RANBP2: variants seen among roughly 807,000 people sequenced by gnomAD.
RANBP2 encodes RAN binding protein 2.
A neutral mutation model predicts 303.6 loss-of-function variants in RANBP2; 57 were observed. That is an observed-to-expected ratio of 0.19 (90% confidence interval 0.15 to 0.23). The LOEUF (loss-of-function observed/expected upper bound fraction) is 0.23, where lower values mean the gene tolerates loss of function less well. Ranked by LOEUF, RANBP2 falls within the 10% of genes least tolerant of loss-of-function variation. RANBP2 has a pLI of 1.00. For synonymous variants in RANBP2, 1,167 were observed against 1,301.5 expected, an observed-to-expected ratio of 0.90 and a Z score of 2.23; for missense variants, 3,138 against 3,780.8, an observed-to-expected ratio of 0.83 and a Z score of 4.46.
At chr2:109,480,007 C>G in the RANBP2 span, among the ~76,000 whole-genome samples, 1 of 152,294 alleles carries the variant, frequency 6.6e-6, no homozygotes, top group South Asian at 2.1e-4. Context: ...TCATCACAGC[C>G]TGAGGGAAGC....
chr2:109,128,065 C>T, the RANBP2 span: 1 of 152,258 alleles, frequency 6.6e-6, no homozygotes, highest in Non-Finnish European at 1.5e-5. Flanking sequence ...CCTGACTGAA[C>T]TCGCTGTGCA....
chr2:109,052,113 T>C, the RANBP2 span, among the ~76,000 whole-genome samples: 3 of 152,156 alleles, frequency 2.0e-5, no homozygotes, highest in Non-Finnish European at 4.4e-5. Flanking sequence ...AACAAATGTA[T>C]CCAATAGGTA....
chr2:109,097,577 G>A, the RANBP2 span, among the ~76,000 whole-genome samples: 1 of 151,434 alleles, frequency 6.6e-6, no homozygotes, highest in African/African-American at 2.4e-5. Context: ...TTGAAAATAT[G>A]TCATTGTGTT....
the RANBP2 span, among the ~76,000 whole-genome samples, chr2:109,528,882 G>A: frequency 1.3e-5 from 2 of 152,192 alleles, no homozygotes; most frequent in South Asian, 2.1e-4. Flanking sequence ...CAGAAGGGTC[G>A]GTGTAGGCCG....
chr2:109,206,490 C>CAAAAAAAAAAAA, the RANBP2 span, among the ~76,000 whole-genome samples: 9 of 40,760 alleles, frequency 2.2e-4, no homozygotes, highest in African/African-American at 7.9e-4. Flanking sequence ...GACTCCGTCT[C>CAAAAAAAAAAAA]AAAAAAAAAA....
the RANBP2 span, among the ~76,000 whole-genome samples, chr2:109,297,092 G>T: frequency 3.8e-4 from 58 of 152,154 alleles, no homozygotes; most frequent in African/African-American, 1.3e-3. Context: ...GGGGGTGACC[G>T]GGATGGGAAG....
At chr2:109,196,229 C>T in the RANBP2 span, among the ~76,000 whole-genome samples, 5 of 152,270 alleles carry the variant, frequency 3.3e-5, no homozygotes, top group East Asian at 3.9e-4. Context: ...GTGTTTGGGA[C>T]GGCAGAGACT....
At chr2:108,880,865 C>G in the RANBP2 span, among the ~76,000 whole-genome samples, 2 of 152,194 alleles carry the variant, frequency 1.3e-5, no homozygotes, top group African/African-American at 4.8e-5. Context: ...AACATAACAT[C>G]CATTCTGCAG....
the RANBP2 span, among the ~76,000 whole-genome samples, chr2:109,664,380 C>T: frequency 0.016 from 2,434 of 150,892 alleles, 28 homozygotes; most frequent in Non-Finnish European, 0.022. Flanking sequence ...CCGAGGCGGG[C>T]GGATCATGAG....
intron 5 of RANBP2, among the ~76,000 whole-genome samples, 160 bp from the exon 6 acceptor site, chr2:108,735,943 TG>T (rs1695545918): frequency 6.6e-6 from 1 of 152,220 alleles, no homozygotes; most frequent in Non-Finnish European, 1.5e-5. Flanking sequence ...GAGATAACTA[TG>T]ATAAATGTAT....
chr2:109,389,029 G>A, the RANBP2 span, among the ~76,000 whole-genome samples: 1 of 152,308 alleles, frequency 6.6e-6, no homozygotes, highest in East Asian at 1.9e-4. Context: ...TACACCAGGA[G>A]CCCATCACAT....
At chr2:109,320,642 A>G in the RANBP2 span, among the ~76,000 whole-genome samples, 1 of 152,234 alleles carries the variant, frequency 6.6e-6, no homozygotes, top group African/African-American at 2.4e-5. Context: ...TTCCAGCTCT[A>G]TAACACCCAA....
the RANBP2 span, chr2:108,804,863 TGA>T: frequency 9.4e-6 from 14 of 1,483,588 alleles, no homozygotes; most frequent in East Asian, 2.5e-5. Context: ...AAGTTTTAGA[TGA>T]GAGTTTTTTT....
chr2:109,402,276 C>A, the RANBP2 span, among the ~76,000 whole-genome samples: 4 of 152,380 alleles, frequency 2.6e-5, no homozygotes, highest in East Asian at 5.8e-4. Context: ...GCAGCCAAGG[C>A]GAGCCAGACT....
intron 1 of RANBP2, among the ~76,000 whole-genome samples, chr2:108,728,310 TAGAG>T (rs1286789316): frequency 6.6e-6 from 1 of 152,152 alleles, no homozygotes; most frequent in Non-Finnish European, 1.5e-5. Flanking sequence ...ATTTATTATT[TAGAG>T]AGAGGATCTC....
chr2:108,731,755 T>G (rs1695184821), intron 4 of RANBP2: 1 of 442,856 alleles, frequency 2.3e-6, no homozygotes, highest in African/African-American at 2.1e-5. Flanking sequence ...AGATTTACAT[T>G]AAGTTCCGTC....
the RANBP2 span, among the ~76,000 whole-genome samples, chr2:109,203,392 GT>G: frequency 1.3e-5 from 2 of 152,198 alleles, no homozygotes; most frequent in Non-Finnish European, 2.9e-5. Context: ...TTGGGAGGGT[GT>G]TTCCGCGTCC....
At chr2:109,395,437 G>GGCT in the RANBP2 span, among the ~76,000 whole-genome samples, 14 of 152,200 alleles carry the variant, frequency 9.2e-5, no homozygotes, top group Non-Finnish European at 2.1e-4. Context: ...TCGCCTGCCT[G>GGCT]GCTGCTGCAG....
At chr2:109,701,471 G>T in the RANBP2 span, among the ~76,000 whole-genome samples, 1 of 152,162 alleles carries the variant, frequency 6.6e-6, no homozygotes, top group African/African-American at 2.4e-5. Context: ...GTCAGGAAGT[G>T]GGGGGCCTCC....
Sources: allele counts gnomAD v4.1 joint callset (sites outside exome capture counted in the v4.1 genomes callset), GRCh38; gene constraint gnomAD v4.1.1; transcripts MANE v1.5; gene names NCBI Gene and HGNC (gene_info 2026-07-23, HGNC 2026-07-21).